The following ANO1 variants were observed in gnomAD, a reference collection of about 807,000 sequenced individuals.
The protein encoded by ANO1 is anoctamin-1.
In ANO1, 59 loss-of-function variants were observed where a neutral mutation model predicts 124.0. The observed-to-expected ratio is 0.48, with a 90% CI of 0.39 to 0.59. ANO1 has a LOEUF of 0.59. Among genes scored for constraint, ANO1 ranks in the 20% least tolerant of loss-of-function variants. The pLI is 0.00. For missense variants in ANO1, 1,059 were observed against 1,328.0 expected, an observed-to-expected ratio of 0.80 and a Z score of 3.15; for synonymous variants, 529 against 532.0, an observed-to-expected ratio of 0.99 and a Z score of 0.08.
chr11:70,161,079 C>A, intron 16 of ANO1, 82 bp from the exon 17 acceptor site: 2 of 1,307,328 alleles, frequency 1.5e-6, no homozygotes, highest in Non-Finnish European at 2.1e-6. Flanking sequence ...TGGGGGACAG[C>A]TGGACTGAGG....
At chr11:70,103,725 C>T (rs904316975) in intron 3 of ANO1, among the ~76,000 whole-genome samples, 1 of 152,268 alleles carries the variant, frequency 6.6e-6, no homozygotes, top group African/African-American at 2.4e-5. Flanking sequence ...CCTCAGAGAC[C>T]ACTTGGATTA....
intron 1 of ANO1, among the ~76,000 whole-genome samples, chr11:70,069,534 G>T (rs148179922): frequency 6.3e-4 from 95 of 151,354 alleles, no homozygotes; most frequent in Non-Finnish European, 1.1e-3. Flanking sequence ...GAGCTTAAAG[G>T]GGGAGGAGGA....
At chr11:70,031,822 C>T (rs11237292) in intron 1 of ANO1, among the ~76,000 whole-genome samples, 39,072 of 152,084 alleles carry the variant, frequency 0.26, 5,404 homozygotes, top group South Asian at 0.33. Context: ...TGGATGCTTC[C>T]GACGTACATC....
At chr11:70,186,572 G>A (rs940766650) in intron 25 of ANO1, among the ~76,000 whole-genome samples, 1 of 151,948 alleles carries the variant, frequency 6.6e-6, no homozygotes, top group Non-Finnish European at 1.5e-5. Context: ...GAGGGGTCTG[G>A]GCCAACTCTC....
chr11:70,093,213 C>G (rs982131244), intron 2 of ANO1, among the ~76,000 whole-genome samples: 1 of 149,226 alleles, frequency 6.7e-6, no homozygotes, highest in African/African-American at 2.5e-5. Context: ...TCTTCCCCCT[C>G]TCTCTCTCTT....
chr11:69,989,024 G>A (rs1024057226), intron 1 of ANO1, among the ~76,000 whole-genome samples: 5 of 152,046 alleles, frequency 3.3e-5, no homozygotes, highest in African/African-American at 1.2e-4. Flanking sequence ...AGGGAGGGAA[G>A]GAAGGTGATG....
chr11:69,994,363 GAT>G, intron 1 of ANO1, among the ~76,000 whole-genome samples: 1 of 81,538 alleles, frequency 1.2e-5, no homozygotes, highest in Non-Finnish European at 3.1e-5. Context: ...TGGATGGGTG[GAT>G]GGATGGGTGG....
intron 25 of ANO1, among the ~76,000 whole-genome samples, chr11:70,187,149 A>T (rs181923857): frequency 6.6e-6 from 1 of 152,226 alleles, no homozygotes; most frequent in Non-Finnish European, 1.5e-5. Context: ...GGGAGCACCA[A>T]CCAGGAGAAG....
chr11:70,095,519 G>A (rs2044913645), intron 2 of ANO1, among the ~76,000 whole-genome samples: 1 of 152,240 alleles, frequency 6.6e-6, no homozygotes, highest in African/African-American at 2.4e-5. Context: ...TCATTGCACA[G>A]CTCTGCCACA....
chr11:70,185,800 A>C, intron 25 of ANO1, 105 bp downstream of exon 25: 2 of 1,264,392 alleles, frequency 1.6e-6, no homozygotes, highest in East Asian at 2.4e-5. Context: ...AGGGGTTCAG[A>C]GACTCCTCCA....
chr11:70,006,563 TTTTC>T lies in ANO1; in HGVS notation c.58+20412_58+20415del, dbSNP rs374548961. On this transcript the variant is annotated intron_variant, in intron 1 of 27. Transcript: ENST00000531349. Reference sequence around the variant, plus strand: ...CTTTCTTTCTTCCTTTCTTTCTTTCTTTTCTTTCTTTCTTTCTTACTTACTTTCT... The same window carrying T: ...CTTTCTTTCTTCCTTTCTTTCTTTCTTTTCTTTCTTTCTTACTTACTTTCT... 1.4e-3 allele frequency among the ~76,000 whole-genome samples: 157 copies of T among 109,502 alleles called. 1 individual carries two copies. Among genetic ancestry groups the T allele is most frequent in the African/African-American group, 4.0e-3 (139 of 35,010 alleles). The allele number at this position is 109,502 out of a possible 152,430, so 71.8% of individuals were successfully genotyped here. A position where few individuals can be genotyped will look rare whatever the true frequency, so the allele number is the denominator to read the frequency against.
rs1335900787 is a variant in ANO1 at position 70,127,062 on chromosome 11, A to C, written c.1097+867A>C. On this transcript the variant is annotated intron_variant, in intron 10 of 25. Coordinates refer to ENST00000355303, the MANE Select transcript of ANO1 (RefSeq NM_018043.7). The stretch of plus-strand genomic sequence containing the variant: ...ACGTGAACACTAGAGGCCTCGGTGC[A>C]GGCTGGTGCTTGCGGGAAGTGAGAC... Among the ~76,000 whole-genome samples, 2 of 132,630 alleles carry C rather than the reference A, an allele frequency of 1.5e-5. 1 individual carries two copies. The highest frequency in any genetic ancestry group is 3.4e-5 in the Non-Finnish European group (2 of 59,084). The allele number at this position is 132,630 out of a possible 152,430, so 87.0% of individuals were successfully genotyped here. A position where few individuals can be genotyped will look rare whatever the true frequency, so the allele number is the denominator to read the frequency against.
chr11:69,973,386 C>A, the ANO1 span, among the ~76,000 whole-genome samples: 2 of 152,190 alleles, frequency 1.3e-5, no homozygotes, highest in South Asian at 4.1e-4. Flanking sequence ...TCCGAGGGAT[C>A]GGAGGTGCTC....
At chr11:70,165,309 TGCAAATAAGG>T in intron 19 of ANO1, 151 bp from the exon 20 acceptor site, 1 of 638,044 alleles carries the variant, frequency 1.6e-6, no homozygotes, top group South Asian at 1.8e-5. Flanking sequence ...AGACCCTTTT[TGCAAATAAGG>T]CCACGTTCCC....
chr11:70,059,944 G>A (rs1034468218), intron 1 of ANO1, among the ~76,000 whole-genome samples: 7 of 143,896 alleles, frequency 4.9e-5, no homozygotes, highest in Non-Finnish European at 7.5e-5. Flanking sequence ...GTGTGGAGGC[G>A]TTGGCCTTTT....
intron 1 of ANO1, among the ~76,000 whole-genome samples, chr11:70,000,092 C>A (rs1018444789): frequency 2.0e-5 from 3 of 152,154 alleles, no homozygotes. Flanking sequence ...CATAAGAAAA[C>A]CTTTGTAACT....
chr11:70,095,248 A>AAAGGAAGGAAGGAAGGAAGGAAGG (rs71046578), intron 2 of ANO1, among the ~76,000 whole-genome samples: 3 of 36,990 alleles, frequency 8.1e-5, no homozygotes, highest in African/African-American at 1.1e-4. Context: ...AAAGAAAAAG[A>AAAGGAAGGAAGGAAGGAAGGAAGG]AAGGAAGGAA....
intron 22 of ANO1, among the ~76,000 whole-genome samples, chr11:70,175,294 T>G (rs112115373): frequency 1.4e-4 from 21 of 152,376 alleles, no homozygotes; most frequent in African/African-American, 5.0e-4. Context: ...TCCTGTCCGG[T>G]TGGCTGAAGG....
At chr11:70,098,898 G>A (rs1348480512) in intron 2 of ANO1, among the ~76,000 whole-genome samples, 1 of 152,216 alleles carries the variant, frequency 6.6e-6, no homozygotes, top group East Asian at 1.9e-4. Flanking sequence ...TCTTTCTTCT[G>A]AAACGAAAAT....
Sources: allele counts gnomAD v4.1 joint callset (sites outside exome capture counted in the v4.1 genomes callset), GRCh38; gene constraint gnomAD v4.1.1; transcripts MANE v1.5; gene names NCBI Gene and HGNC (gene_info 2026-07-23, HGNC 2026-07-21).